Variants in ARID5B observed in about 807,000 individuals in gnomAD.
ARID5B encodes AT-rich interaction domain 5B, also known as AT-rich interactive domain-containing protein 5B.
ARID5B carries 13 observed loss-of-function variants against 97.2 expected under a neutral mutation model. The ratio of observed to expected loss-of-function variants is 0.13; its 90% CI spans 0.09 to 0.21. The LOEUF is 0.21. ARID5B is among the 10% of genes least tolerant of loss of function. The probability of loss-of-function intolerance (pLI) is 1.00; values close to 1 mark genes in which losing one functional copy is unlikely to be tolerated. For missense variants in ARID5B, 1,210 were observed against 1,465.3 expected (o/e 0.83, Z 2.84); for synonymous variants, 556 against 570.3 (o/e 0.97, Z 0.36).
intron 3 of ARID5B, among the ~76,000 whole-genome samples, chr10:61,974,927 G>A (rs1212722790): frequency 2.0e-5 from 3 of 150,540 alleles, no homozygotes; most frequent in Non-Finnish European, 4.4e-5. Flanking sequence ...GGGTCTCGGG[G>A]GCAGATATGT....
intron 4 of ARID5B, among the ~76,000 whole-genome samples, chr10:62,017,042 C>T (rs1839292630): frequency 6.6e-6 from 1 of 152,106 alleles, no homozygotes; most frequent in Admixed American, 6.5e-5. Context: ...CAATTTTAAA[C>T]TTCCTCAAAA....
At chr10:62,086,837 G>A (rs556508476) in intron 9 of ARID5B, among the ~76,000 whole-genome samples, 1 of 151,820 alleles carries the variant, frequency 6.6e-6, no homozygotes, top group Non-Finnish European at 1.5e-5. Context: ...CTCCTGCCTG[G>A]GTGACAGAGT....
intron 9 of ARID5B, among the ~76,000 whole-genome samples, chr10:62,087,533 A>T (rs1394695032): frequency 1.5e-5 from 2 of 137,310 alleles, no homozygotes; most frequent in African/African-American, 5.5e-5. Context: ...GCTGCCCATT[A>T]AAAAAAAAAA....
At chr10:62,045,069 T>A (rs1839688865) in intron 4 of ARID5B, among the ~76,000 whole-genome samples, 1 of 152,228 alleles carries the variant, frequency 6.6e-6, no homozygotes, top group African/African-American at 2.4e-5. Flanking sequence ...AGGGACTTAT[T>A]TATGAATTTT....
rs77708105 is a variant in ARID5B at position 61,963,816 on chromosome 10, T to C, written c.502+23408T>C. ...CTTCTGTGTGCAGTTACTATAGTTG[T>C]ACCTAGTGTGTTCAAGGCACCGGGG... On this transcript the variant is annotated intron_variant, in intron 3 of 9. Coordinates refer to ENST00000279873, the MANE Select transcript of ARID5B (RefSeq NM_032199.3). Among the ~76,000 whole-genome samples the C allele has an allele frequency of 9.2e-3, 1,392 of 152,006 alleles. 25 individuals carry two copies. The highest frequency in any genetic ancestry group is 0.032 in the African/African-American group (1,327 of 41,444).
At chr10:61,972,321 A>T (rs1374265870) in intron 3 of ARID5B, among the ~76,000 whole-genome samples, 1 of 141,908 alleles carries the variant, frequency 7.0e-6, no homozygotes, top group Non-Finnish European at 1.5e-5. Context: ...TCCGCCTCCC[A>T]GGTTCAAGGG....
chr10:62,039,874 C>T (rs1839612903), intron 4 of ARID5B, among the ~76,000 whole-genome samples: 1 of 152,216 alleles, frequency 6.6e-6, no homozygotes, highest in African/African-American at 2.4e-5. Context: ...GGCTATGCCC[C>T]TGCATTTAGG....
At chr10:62,042,864 A>G (rs766453183) in intron 4 of ARID5B, among the ~76,000 whole-genome samples, 18 of 150,744 alleles carry the variant, frequency 1.2e-4, no homozygotes, top group Non-Finnish European at 2.2e-4. Flanking sequence ...GCAGTGAGCC[A>G]AGATCGCGTC....
chr10:62,050,858 G>A (rs1437212980), intron 4 of ARID5B, 30 bp from the exon 5 acceptor site: 2 of 1,575,268 alleles, frequency 1.3e-6, no homozygotes, highest in South Asian at 1.1e-5. Context: ...AAGTGAAAAT[G>A]TATATCAATT....
chr10:62,060,279 CG>C (rs1332640892), intron 7 of ARID5B, among the ~76,000 whole-genome samples: 1 of 152,064 alleles, frequency 6.6e-6, no homozygotes, highest in East Asian at 1.9e-4. Flanking sequence ...GTTTGATGTG[CG>C]GGTCTTGGGA....
chr10:62,054,085 G>A (rs187013215), intron 5 of ARID5B, among the ~76,000 whole-genome samples: 43 of 152,298 alleles, frequency 2.8e-4, no homozygotes, highest in African/African-American at 9.4e-4. Flanking sequence ...AACGTTAAAT[G>A]TTGATTCTTT....
intron 2 of ARID5B, among the ~76,000 whole-genome samples, chr10:61,915,604 T>C (rs1382640575): frequency 1.3e-5 from 2 of 152,158 alleles, no homozygotes; most frequent in Admixed American, 1.3e-4. Context: ...GAGGGACCAG[T>C]TGGTCTAGGT....
chr10:62,053,865 CAG>C (rs1243278452), intron 5 of ARID5B, among the ~76,000 whole-genome samples: 1 of 152,200 alleles, frequency 6.6e-6, no homozygotes, highest in African/African-American at 2.4e-5. Flanking sequence ...ATTTGGTCCT[CAG>C]AACTATTCCC....
At chr10:61,986,699 C>T (rs1389746568) in intron 3 of ARID5B, among the ~76,000 whole-genome samples, 2 of 152,190 alleles carry the variant, frequency 1.3e-5, no homozygotes, top group African/African-American at 4.8e-5. Context: ...GTTTCCCGTG[C>T]TGTGGTGCCC....
intron 4 of ARID5B, among the ~76,000 whole-genome samples, chr10:62,012,551 G>A (rs1589257798): frequency 6.6e-6 from 1 of 152,062 alleles, no homozygotes; most frequent in African/African-American, 2.4e-5. Flanking sequence ...AAAACAAAGA[G>A]AAGTTAAATA....
intron 8 of ARID5B, among the ~76,000 whole-genome samples, chr10:62,072,294 C>A (rs1397422697): frequency 6.6e-6 from 1 of 152,206 alleles, no homozygotes; most frequent in Admixed American, 6.5e-5. Flanking sequence ...CTAGAGGCTG[C>A]AACCCACTGC....
chr10:62,093,160 G>T lies in ARID5B; in HGVS notation c.*130G>T. 1 of 1,346,582 alleles carries T rather than the reference G, an allele frequency of 7.4e-7. No homozygotes were observed. Among genetic ancestry groups the T allele is most frequent in the East Asian group, 2.4e-5 (1 of 42,084 alleles). The allele number at this position is 1,346,582 out of a possible 1,614,324, so 83.4% of individuals were successfully genotyped here. A position where few individuals can be genotyped will look rare whatever the true frequency, so the allele number is the denominator to read the frequency against. ...GAGGCTATGATCAGTCCCAGCTGTA[G>T]GGGCCCAGAGGGGAGGTGAACATGC... On this transcript the variant is annotated 3_prime_UTR_variant, in exon 10 of 10. Transcript: ENST00000279873.
intron 7 of ARID5B, among the ~76,000 whole-genome samples, chr10:62,067,591 G>T (rs1274612341): frequency 6.6e-6 from 1 of 152,366 alleles, no homozygotes; most frequent in East Asian, 1.9e-4. Flanking sequence ...TCATTTGAAG[G>T]AAAAGGCTCC....
At chr10:62,070,230 A>G (rs1840046090) in intron 8 of ARID5B, among the ~76,000 whole-genome samples, 1 of 152,174 alleles carries the variant, frequency 6.6e-6, no homozygotes, top group South Asian at 2.1e-4. Context: ...CCCAGATCAA[A>G]TCTGTTGTTT....
Sources: allele counts gnomAD v4.1 joint callset (sites outside exome capture counted in the v4.1 genomes callset), GRCh38; gene constraint gnomAD v4.1.1; transcripts MANE v1.5; gene names NCBI Gene and HGNC (gene_info 2026-07-23, HGNC 2026-07-21).